The following PITPNC1 variants were observed in gnomAD, a reference collection of about 807,000 sequenced individuals.
PITPNC1 encodes phosphatidylinositol transfer protein cytoplasmic 1.
Under a neutral mutation model 44.7 loss-of-function variants are expected in PITPNC1, and 18 were observed. That is an observed-to-expected ratio of 0.40 (90% CI 0.28 to 0.60). The LOEUF (loss-of-function observed/expected upper bound fraction) is 0.60. Ranked by LOEUF, PITPNC1 falls within the 20% of genes least tolerant of loss-of-function variation. The probability of loss-of-function intolerance (pLI) is 0.39; values close to 1 mark genes in which losing one functional copy is unlikely to be tolerated. For synonymous variants in PITPNC1, 141 were observed against 149.6 expected, an observed-to-expected ratio of 0.94 and a Z score of 0.42; for missense variants, 290 against 418.4, an observed-to-expected ratio of 0.69 and a Z score of 2.68.
chr17:67,470,574 G>C (rs1334246264), intron 1 of PITPNC1, among the ~76,000 whole-genome samples: 1 of 136,124 alleles, frequency 7.3e-6, no homozygotes, highest in Non-Finnish European at 1.7e-5. Context: ...CCGGGAGGGA[G>C]GTGGGGGGGG....
chr17:67,566,711 AG>A (rs1234471316), intron 4 of PITPNC1, among the ~76,000 whole-genome samples: 2 of 152,224 alleles, frequency 1.3e-5, no homozygotes, highest in African/African-American at 2.4e-5. Flanking sequence ...GTTTGAAGCA[AG>A]GCACGTCTAT....
intron 1 of PITPNC1, among the ~76,000 whole-genome samples, chr17:67,512,985 A>G (rs1287909547): frequency 6.6e-6 from 1 of 152,174 alleles, no homozygotes; most frequent in Non-Finnish European, 1.5e-5. Context: ...AGTGGCTTCC[A>G]GTCTAGTAGG....
At position 67,570,742 on chromosome 17, in the gene PITPNC1, G is replaced by A. The variant is rs564536911; in HGVS notation, c.295-7444G>A. ...CACAGTTTGTTGGAAAAGAAGCTGC[G>A]GTTTGAACTGAAGTCTGTTTTACTC... On this transcript the variant is annotated intron_variant, in intron 4 of 8. Coordinates refer to ENST00000581322, the MANE Select transcript of PITPNC1 (RefSeq NM_012417.4). Among the ~76,000 whole-genome samples the A allele has an allele frequency of 9.2e-5, 14 of 151,958 alleles. No individual in the cohort carries two copies. The South Asian group carries it at 2.1e-3, about 23-fold the overall frequency.
intron 1 of PITPNC1, among the ~76,000 whole-genome samples, chr17:67,506,927 T>C (rs904154929): frequency 6.6e-6 from 1 of 152,248 alleles, no homozygotes; most frequent in Non-Finnish European, 1.5e-5. Flanking sequence ...ACATTGTCTA[T>C]TTCTGGATTT....
At chr17:67,391,282 TA>T (rs2038135119) in intron 1 of PITPNC1, among the ~76,000 whole-genome samples, 1 of 152,068 alleles carries the variant, frequency 6.6e-6, no homozygotes, top group Non-Finnish European at 1.5e-5. Context: ...TACCCTATAA[TA>T]ATGTTGTTTA....
At chr17:67,636,544 G>A (rs1264350470) in intron 6 of PITPNC1, among the ~76,000 whole-genome samples, 1 of 152,176 alleles carries the variant, frequency 6.6e-6, no homozygotes, top group East Asian at 1.9e-4. Context: ...TCTGGAACAG[G>A]TGGAATTCCT....
At chr17:67,685,208 T>A (rs1186585430) in intron 8 of PITPNC1, among the ~76,000 whole-genome samples, 1 of 152,248 alleles carries the variant, frequency 6.6e-6, no homozygotes, top group Non-Finnish European at 1.5e-5. Flanking sequence ...CAGCATCTCT[T>A]TATTGCTTTT....
In PITPNC1 at chr17:67,694,262, T is replaced by C. The variant is rs939369329; in HGVS notation, c.*1374T>C. 6.6e-6 allele frequency: 1 copy of C among 152,232 alleles called. No individual in the cohort carries two copies. The highest frequency in any genetic ancestry group is 2.4e-5 in the African/African-American group (1 of 41,452). 9.4% of individuals were successfully genotyped at this position (152,232 alleles called of 1,614,324 possible). A position where few individuals can be genotyped will look rare whatever the true frequency, so the allele number is the denominator to read the frequency against. On this transcript the variant is annotated 3_prime_UTR_variant, in exon 9 of 9. Transcript: ENST00000581322. ...CGGGAGGGCAGGCCAAATCTCAGCA[T>C]TGACTTTTGTCCTCCAAGAGAGGAA...
At chr17:67,622,998 C>T (rs1241339356) in intron 5 of PITPNC1, among the ~76,000 whole-genome samples, 20 of 150,708 alleles carry the variant, frequency 1.3e-4, no homozygotes, top group Non-Finnish European at 2.5e-4. Context: ...AGAGCATGAG[C>T]GGGACAACAT....
intron 5 of PITPNC1, among the ~76,000 whole-genome samples, chr17:67,582,202 G>A (rs1183150801): frequency 6.6e-6 from 1 of 152,218 alleles, no homozygotes; most frequent in Non-Finnish European, 1.5e-5. Flanking sequence ...AAGCCAAGGA[G>A]TGTGCTGGTG....
At chr17:67,509,051 T>C (rs777912162) in intron 1 of PITPNC1, among the ~76,000 whole-genome samples, 1 of 150,660 alleles carries the variant, frequency 6.6e-6, no homozygotes, top group Non-Finnish European at 1.5e-5. Flanking sequence ...CTGACCAACA[T>C]GGTGAAACTC....
intron 1 of PITPNC1, among the ~76,000 whole-genome samples, chr17:67,401,915 A>G (rs935241442): frequency 1.3e-5 from 2 of 151,956 alleles, no homozygotes; most frequent in Non-Finnish European, 2.9e-5. Context: ...CTGGCTTGCT[A>G]CTCTCAATTC....
At chr17:67,409,863 A>C (rs1243239937) in intron 1 of PITPNC1, among the ~76,000 whole-genome samples, 1 of 152,172 alleles carries the variant, frequency 6.6e-6, no homozygotes, top group Non-Finnish European at 1.5e-5. Flanking sequence ...TTTATGGCTA[A>C]AAAATAGTAT....
chr17:67,688,642 T>C (rs2042865383), intron 8 of PITPNC1, among the ~76,000 whole-genome samples: 1 of 152,106 alleles, frequency 6.6e-6, no homozygotes, highest in Non-Finnish European at 1.5e-5. Flanking sequence ...CAGTAGGACT[T>C]CCCCCTAGAA....
chr17:67,645,248 G>T (rs1435131528), intron 6 of PITPNC1, among the ~76,000 whole-genome samples: 1 of 151,808 alleles, frequency 6.6e-6, no homozygotes, highest in Non-Finnish European at 1.5e-5. Flanking sequence ...GCCTGAGGCA[G>T]GAGAATCACT....
At chr17:67,644,765 A>G (rs1397528936) in intron 6 of PITPNC1, among the ~76,000 whole-genome samples, 2 of 152,052 alleles carry the variant, frequency 1.3e-5, no homozygotes, top group Admixed American at 6.6e-5. Context: ...GAGTCCACAC[A>G]AGTTGCTCAT....
chr17:67,427,730 AC>A (rs2038792241), intron 1 of PITPNC1, among the ~76,000 whole-genome samples: 2 of 152,062 alleles, frequency 1.3e-5, no homozygotes, highest in Admixed American at 1.3e-4. Flanking sequence ...TAGAAACAAA[AC>A]TCCAGGCAAA....
intron 7 of PITPNC1, among the ~76,000 whole-genome samples, chr17:67,674,126 G>T (rs562225544): frequency 8.9e-4 from 136 of 152,168 alleles, no homozygotes; most frequent in African/African-American, 3.2e-3. Context: ...GTGAGGAATG[G>T]GGTATCCATC....
At chr17:67,688,706 T>G (rs888150108) in intron 8 of PITPNC1, among the ~76,000 whole-genome samples, 3 of 152,182 alleles carry the variant, frequency 2.0e-5, no homozygotes, top group Admixed American at 2.0e-4. Context: ...TTACCTTTTC[T>G]TTTAGAAATG....
Sources: allele counts gnomAD v4.1 joint callset (sites outside exome capture counted in the v4.1 genomes callset), GRCh38; gene constraint gnomAD v4.1.1; transcripts MANE v1.5; gene names NCBI Gene and HGNC (gene_info 2026-07-23, HGNC 2026-07-21).